Variants in FLT1 observed in about 807,000 individuals in gnomAD.
FLT1 encodes the protein fms related receptor tyrosine kinase 1, also known as vascular endothelial growth factor receptor 1.
Under a neutral mutation model 156.3 loss-of-function variants are expected in FLT1, and 49 were observed. The observed-to-expected ratio is 0.31, with a 90% CI of 0.25 to 0.40. FLT1 has a LOEUF of 0.40. Ranked by LOEUF, FLT1 falls within the 10% of genes least tolerant of loss-of-function variation. The pLI, the probability that FLT1 is intolerant of heterozygous loss-of-function variation, is 1.00. For synonymous variants in FLT1, 594 were observed against 583.8 expected, an observed-to-expected ratio of 1.02 and a Z score of -0.25; for missense variants, 1,322 against 1,637.2, an observed-to-expected ratio of 0.81 and a Z score of 3.32.
chr13:28,462,332 C>T (rs1001585340), intron 3 of FLT1, among the ~76,000 whole-genome samples: 3 of 152,190 alleles, frequency 2.0e-5, no homozygotes, highest in Non-Finnish European at 4.4e-5. Flanking sequence ...GAGCCCATTT[C>T]CTGTGTACAC....
chr13:28,491,534 C>T (rs1241356525), intron 1 of FLT1, among the ~76,000 whole-genome samples: 5 of 152,164 alleles, frequency 3.3e-5, no homozygotes, highest in Non-Finnish European at 7.3e-5. Flanking sequence ...CTGGCTCAGG[C>T]ATCCTCTACC....
chr13:28,331,229 A>G (rs1871918683), intron 18 of FLT1, among the ~76,000 whole-genome samples: 1 of 152,236 alleles, frequency 6.6e-6, no homozygotes, highest in African/African-American at 2.4e-5. Flanking sequence ...CATAAGCACA[A>G]ATCATTTTTA....
At chr13:28,315,579 A>G (rs1009123375) in intron 25 of FLT1, among the ~76,000 whole-genome samples, 1 of 152,110 alleles carries the variant, frequency 6.6e-6, no homozygotes, top group Non-Finnish European at 1.5e-5. Context: ...AAAAAACCCA[A>G]CTAAACTAAT....
chr13:28,355,886 T>C (rs1330020675), intron 15 of FLT1, among the ~76,000 whole-genome samples: 2 of 152,170 alleles, frequency 1.3e-5, no homozygotes, highest in Non-Finnish European at 2.9e-5. Context: ...ATGTCGTAAA[T>C]GCACAGTTTT....
chr13:28,327,156 A>T (rs1204249504), intron 20 of FLT1, among the ~76,000 whole-genome samples: 1 of 152,272 alleles, frequency 6.6e-6, no homozygotes, highest in Non-Finnish European at 1.5e-5. Context: ...GTATGTACAC[A>T]TGCACACATA....
chr13:28,360,329 T>A (rs1481346695), intron 14 of FLT1, among the ~76,000 whole-genome samples: 1 of 152,208 alleles, frequency 6.6e-6, no homozygotes, highest in Non-Finnish European at 1.5e-5. Context: ...GCAATCCCAC[T>A]ACTGGGTATC....
At chr13:28,325,625 C>T (rs1871647392) in intron 20 of FLT1, among the ~76,000 whole-genome samples, 1 of 151,882 alleles carries the variant, frequency 6.6e-6, no homozygotes, top group African/African-American at 2.4e-5. Flanking sequence ...CCAGCCTGGC[C>T]AACATGGTGA....
At chr13:28,320,007 T>C (rs1449868169) in intron 23 of FLT1, among the ~76,000 whole-genome samples, 1 of 152,128 alleles carries the variant, frequency 6.6e-6, no homozygotes, top group African/African-American at 2.4e-5. Context: ...TGCAAAAGCA[T>C]CAGAAAGAAG....
intron 15 of FLT1, among the ~76,000 whole-genome samples, chr13:28,348,737 G>A (rs1235432844): frequency 1.3e-5 from 2 of 152,164 alleles, no homozygotes; most frequent in South Asian, 2.1e-4. Context: ...GTGAAACCCC[G>A]TCTCTACTAA....
intron 14 of FLT1, among the ~76,000 whole-genome samples, chr13:28,372,048 G>GTATATATA (rs1169072431): frequency 1.3e-5 from 1 of 75,584 alleles, no homozygotes. Context: ...GTGTGTGTGT[G>GTATATATA]TATATATATA....
chr13:28,389,716 A>G (rs1874584802), intron 13 of FLT1, 80 bp downstream of exon 13: 1 of 1,610,268 alleles, frequency 6.2e-7, no homozygotes, highest in Non-Finnish European at 8.5e-7. Flanking sequence ...GTTTTACATT[A>G]CTTTGTGTGG....
At chr13:28,423,483 A>G (rs1377805997) in intron 10 of FLT1, among the ~76,000 whole-genome samples, 1 of 142,660 alleles carries the variant, frequency 7.0e-6, no homozygotes. Flanking sequence ...TTTCTTAGAA[A>G]TGTTTGGCAA....
At chr13:28,435,739 C>G (rs1444352032) in intron 4 of FLT1, among the ~76,000 whole-genome samples, 1 of 152,168 alleles carries the variant, frequency 6.6e-6, no homozygotes. Context: ...ATGCCTACAT[C>G]GGAATGTATT....
At chr13:28,351,711 G>A (rs141422249) in intron 15 of FLT1, among the ~76,000 whole-genome samples, 34 of 152,258 alleles carry the variant, frequency 2.2e-4, no homozygotes, top group African/African-American at 5.8e-4. Flanking sequence ...TTGCTGTTAC[G>A]TGACGTTAGT....
intron 3 of FLT1, among the ~76,000 whole-genome samples, chr13:28,444,536 A>G (rs1878505646): frequency 6.6e-6 from 1 of 152,222 alleles, no homozygotes. Flanking sequence ...AACGACATCT[A>G]TAGAACACTT....
chr13:28,465,100 C>T (rs991789956), intron 3 of FLT1, among the ~76,000 whole-genome samples: 11 of 152,166 alleles, frequency 7.2e-5, no homozygotes, highest in Non-Finnish European at 1.3e-4. Context: ...CACTATCAAG[C>T]GTGTTGTCTT....
intron 14 of FLT1, among the ~76,000 whole-genome samples, chr13:28,380,346 C>T (rs1373487014): frequency 2.0e-5 from 3 of 152,158 alleles, no homozygotes; most frequent in Non-Finnish European, 4.4e-5. Flanking sequence ...TAAGGGTCAT[C>T]GTCATGGAGC....
chr13:28,374,890 C>A (rs889096929), intron 14 of FLT1, among the ~76,000 whole-genome samples: 2 of 151,770 alleles, frequency 1.3e-5, no homozygotes, highest in African/African-American at 4.8e-5. Flanking sequence ...ACACACACAC[C>A]CCACCACCAC....
Position 28,322,800 on chromosome 13 carries a change from C to T in FLT1, c.2943G>A (p.Glu981=), listed in dbSNP as rs1871520086. 6.2e-7 allele frequency: 1 copy of T among 1,613,960 alleles called. No individual in the cohort carries two copies. Among genetic ancestry groups the T allele is most frequent in the Non-Finnish European group, 8.5e-7 (1 of 1,179,988 alleles). Residue 981 remains glutamate (E), a synonymous_variant, in exon 21 of 30, where the codon GAG becomes GAA. Transcript: ENST00000282397. The surrounding 1 kb of genome is among the most constrained non-coding windows in gnomAD (Gnocchi z 4.3). ...FQEDKSLSDV[E]EEEDSDGFYK... is the part of the protein sequence containing the mutation. ...GGAATTAATACCTACCCTCCTCTTCCTCAACATCACTCAGACTTTTATCTT... is the reference window on the plus strand; with the variant it reads ...GGAATTAATACCTACCCTCCTCTTCTTCAACATCACTCAGACTTTTATCTT...
Sources: gnomAD v4.1 joint callset for allele counts (sites outside exome capture counted in the v4.1 genomes callset) on GRCh38, gnomAD v4.1.1 for gene constraint, Gnocchi (gnomAD v3.1) non-coding constraint, MANE v1.5 for transcripts, NCBI Gene and HGNC (gene_info 2026-07-23, HGNC 2026-07-21) for gene names.